Variants in KIAA0586 observed in about 807,000 individuals in gnomAD.
KIAA0586 encodes the protein KIAA0586.
In KIAA0586, 144 loss-of-function variants were observed where a neutral mutation model predicts 169.8. That is an observed-to-expected ratio of 0.85 (90% confidence interval 0.74 to 0.97). The LOEUF is 0.97. Among genes scored for constraint, KIAA0586 ranks in the 50% least tolerant of loss-of-function variants. KIAA0586 has a pLI of 0.00. For synonymous variants in KIAA0586, 625 were observed against 612.4 expected (o/e 1.02, Z -0.30); for missense variants, 1,854 against 1,823.0 (o/e 1.02, Z -0.31).
intron 6 of KIAA0586, among the ~76,000 whole-genome samples, chr14:58,444,927 A>G (rs1314565111): frequency 2.7e-5 from 4 of 150,312 alleles, no homozygotes; most frequent in African/African-American, 7.4e-5. Flanking sequence ...AAAAAAAAAA[A>G]AAAAAAAAAA....
At chr14:58,428,606 G>A in intron 1 of KIAA0586, 143 bp downstream of exon 1, 1 of 612,598 alleles carries the variant, frequency 1.6e-6, no homozygotes, top group Non-Finnish European at 2.8e-6. Flanking sequence ...AAAATGGCCA[G>A]GAAGCCTATA....
chr14:58,461,138 A>G lies in KIAA0586; in HGVS notation c.2037A>G (p.Pro679=), dbSNP rs2040292190. The change falls in exon 14 of 31, where the codon CCA becomes CCG. Residue 679 remains proline, a synonymous_variant. Transcript: ENST00000652326. ...CTCCTAAGTCCAGACCACAGAGACCAAAAGTAATAGAACGAGTTAAAGGTA... is the reference window on the plus strand; with the variant it reads ...CTCCTAAGTCCAGACCACAGAGACCGAAAGTAATAGAACGAGTTAAAGGTA... ...SPSPKSRPQR[P]KVIERVKGTK... 1.3e-6 allele frequency: 2 copies of G among 1,590,854 alleles called. No individual in the cohort carries two copies. Among genetic ancestry groups the G allele is most frequent in the Non-Finnish European group, 1.7e-6 (2 of 1,171,714 alleles).
intron 6 of KIAA0586, among the ~76,000 whole-genome samples, chr14:58,447,701 G>A (rs1743728): frequency 0.6 from 90,765 of 151,744 alleles, 27,511 homozygotes; most frequent in Admixed American, 0.67. Context: ...GACTGGCCTC[G>A]AACTCCTGAC....
At chr14:58,536,061 T>A (rs995459513) in intron 29 of KIAA0586, among the ~76,000 whole-genome samples, 15 of 152,268 alleles carry the variant, frequency 9.9e-5, no homozygotes, top group Admixed American at 2.6e-4. Flanking sequence ...AATTTTTTTT[T>A]AAATATGAGT....
chr14:58,480,529 A>G (rs1566868271), intron 20 of KIAA0586, among the ~76,000 whole-genome samples: 1 of 152,076 alleles, frequency 6.6e-6, no homozygotes, highest in Non-Finnish European at 1.5e-5. Flanking sequence ...TGGGCCGACA[A>G]CTTGCAGTTC....
Position 58,488,784 on chromosome 14 carries a change from A to C in KIAA0586, c.3691A>C (p.Ser1231Arg). ...SDSSTLESTLSVTVTETETLD... is the reference protein window; with the variant it reads ...SDSSTLESTLRVTVTETETLD... ...TTCATCAACACTGGAGAGCACATTG[A>C]GTGTTACTGTCACTGAAACTGAAAC... The change falls in exon 24 of 31, where the codon AGT becomes CGT. Residue 1231 changes from serine (S) to arginine (R), a missense_variant. Physicochemically the swap from Ser to Arg is moderately radical, Grantham distance 110 (BLOSUM62 -1). Coordinates refer to ENST00000652326, the MANE Select transcript of KIAA0586 (RefSeq NM_001329943.3). 6.2e-7 allele frequency: 1 copy of C among 1,613,840 alleles called. No homozygotes were observed. The highest frequency in any genetic ancestry group is 8.5e-7 in the Non-Finnish European group (1 of 1,179,818).
rs561281921 is a variant in KIAA0586 at position 58,469,270 on chromosome 14, A to G, written c.2443-1343A>G. On this transcript the variant is annotated intron_variant, in intron 16 of 30. Coordinates refer to ENST00000652326, the MANE Select transcript of KIAA0586 (RefSeq NM_001329943.3). ...CTGAGGCAGTCAATGGATCTCAGGAATATTCCCGGCCCTGTGCTTGATAGG... is the reference window on the plus strand; with the variant it reads ...CTGAGGCAGTCAATGGATCTCAGGAGTATTCCCGGCCCTGTGCTTGATAGG... Among the ~76,000 whole-genome samples, 3 of 152,338 alleles carry G rather than the reference A, an allele frequency of 2.0e-5. No individual in the cohort carries two copies. In the East Asian group the frequency reaches 5.8e-4, roughly 29 times the overall value.
chr14:58,455,125 A>C (rs893958169), intron 9 of KIAA0586, among the ~76,000 whole-genome samples: 5 of 152,208 alleles, frequency 3.3e-5, no homozygotes, highest in African/African-American at 9.7e-5. Flanking sequence ...GAGCCCCTCT[A>C]GTGAATTATA....
rs1437021057 is a variant in KIAA0586 at position 58,492,233 on chromosome 14, C to T, written c.3948C>T (p.Asn1316=). ...ADAILSFAKQ[N]QESAVSQQAV... ...CAATTCTTTCTTTTGCTAAACAAAACCAGGAGTCAGCAGTTTCCCAGCAAG... is the reference window on the plus strand; with the variant it reads ...CAATTCTTTCTTTTGCTAAACAAAATCAGGAGTCAGCAGTTTCCCAGCAAG... The change falls in exon 26 of 31, where the codon AAC becomes AAT. Residue 1316 remains asparagine (N), a synonymous_variant. Transcript: ENST00000652326. 1.2e-5 allele frequency: 19 copies of T among 1,550,998 alleles called. No individual in the cohort carries two copies. The Admixed American group carries it at 3.7e-4, about 30-fold the overall frequency.
chr14:58,545,171 C>T (rs1421146860), intron 30 of KIAA0586, among the ~76,000 whole-genome samples: 3 of 152,172 alleles, frequency 2.0e-5, no homozygotes, highest in African/African-American at 7.2e-5. Flanking sequence ...CTCTGGGCCT[C>T]AGTTGCCTTG....
intron 19 of KIAA0586, among the ~76,000 whole-genome samples, chr14:58,476,556 AG>A (rs2041639760): frequency 1.3e-5 from 2 of 152,064 alleles, no homozygotes; most frequent in South Asian, 4.1e-4. Flanking sequence ...TTTTGAGTTT[AG>A]GAGTTCTTTT....
At position 58,467,898 on chromosome 14, in the gene KIAA0586, G is replaced by C. The variant is rs922088604; in HGVS notation, c.2418G>C (p.Lys806Asn). 3 of 1,613,260 alleles carry C rather than the reference G, an allele frequency of 1.9e-6. No individual in the cohort carries two copies. In the Admixed American group the frequency reaches 5.0e-5, roughly 27 times the overall value. Residue 806 changes from lysine to asparagine, a missense_variant, in exon 16 of 31, where the codon AAG (lysine) becomes AAC (asparagine). Coordinates refer to ENST00000652326, the MANE Select transcript of KIAA0586 (RefSeq NM_001329943.3). ...IAIVEMKSEK[K>N]DPPQLTVQVL... ...TTGTAGAAATGAAGTCAGAAAAAAAGGATCCTCCTCAGCTTACTGTGCAGG... is the reference window on the plus strand; with the variant it reads ...TTGTAGAAATGAAGTCAGAAAAAAACGATCCTCCTCAGCTTACTGTGCAGG...
rs766193110 is a variant in KIAA0586, at chr14:58,453,486, G to T, written c.1253+13G>T. The T allele has an allele frequency of 6.8e-7, 1 of 1,476,158 alleles. No individual in the cohort carries two copies. The highest frequency in any genetic ancestry group is 1.5e-5 in the South Asian group (1 of 68,700). The allele number at this position is 1,476,158 out of a possible 1,614,324, so 91.4% of individuals were successfully genotyped here. Reference sequence around the variant, plus strand: ...AGAAAACAAACAGGTAAAAACAAGAGATTGGAATGAAAACTAGATTGAAAA... The same window carrying T: ...AGAAAACAAACAGGTAAAAACAAGATATTGGAATGAAAACTAGATTGAAAA... On this transcript the variant is annotated intron_variant, in intron 9 of 30. Transcript: ENST00000652326.
intron 1 of KIAA0586, 136 bp downstream of exon 1, chr14:58,428,599 A>G (rs557862111): frequency 3.2e-5 from 20 of 631,890 alleles, no homozygotes; most frequent in Non-Finnish European, 5.1e-5. Flanking sequence ...TCCCGGGAAA[A>G]TGGCCAGGAA....
chr14:58,549,062 C>T lies in KIAA0586; in HGVS notation c.*1130C>T, dbSNP rs1036445635. On this transcript the variant is annotated 3_prime_UTR_variant, in exon 31 of 31. Transcript: ENST00000652326. ...CTTATTATCTTGAGGGATTTCAGTA[C>T]TGTATAGTAGAGGGCATAAGCACAT... 1 of 152,010 alleles carries T rather than the reference C, an allele frequency of 6.6e-6. No homozygotes were observed. Among genetic ancestry groups the T allele is most frequent in the Admixed American group, 6.6e-5 (1 of 15,258 alleles). 9.4% of individuals were successfully genotyped at this position (152,010 alleles called of 1,614,324 possible).
chr14:58,543,559 G>A (rs1460313395), intron 30 of KIAA0586, among the ~76,000 whole-genome samples: 1 of 152,178 alleles, frequency 6.6e-6, no homozygotes, highest in Non-Finnish European at 1.5e-5. Context: ...AGCAGTCTGG[G>A]TGGGGCCATT....
At position 58,537,303 on chromosome 14, in the gene KIAA0586, T is replaced by G. The variant is rs985488278; in HGVS notation, c.4430-2768T>G. 5 of 406,356 alleles carry G rather than the reference T, an allele frequency of 1.2e-5. No homozygotes were observed. In the South Asian group the frequency reaches 4.6e-4, roughly 37 times the overall value. 25.2% of individuals were successfully genotyped at this position (406,356 alleles called of 1,614,324 possible). A position where few individuals can be genotyped will look rare whatever the true frequency, so the allele number is the denominator to read the frequency against. On this transcript the variant is annotated intron_variant, in intron 29 of 30. Transcript: ENST00000652326. ...CCCCAGTTTTGACTGAGGAGAGTTT[T>G]ATGTTTACAATAACAGCAACAACCA...
chr14:58,553,964 A>G (rs1566974169), downstream of KIAA0586, among the ~76,000 whole-genome samples: 1 of 152,144 alleles, frequency 6.6e-6, no homozygotes, highest in South Asian at 2.1e-4. Flanking sequence ...TCTGACCCTC[A>G]CACATGAATT....
the KIAA0586 span, among the ~76,000 whole-genome samples, chr14:58,561,950 C>G: frequency 6.6e-6 from 1 of 152,166 alleles, no homozygotes; most frequent in Non-Finnish European, 1.5e-5. Flanking sequence ...AAATGAAAGG[C>G]AACCCTTTTC....
Sources: gnomAD v4.1 joint callset for allele counts (sites outside exome capture counted in the v4.1 genomes callset) on GRCh38, gnomAD v4.1.1 for gene constraint, MANE v1.5 for transcripts, NCBI Gene and HGNC (gene_info 2026-07-23, HGNC 2026-07-21) for gene names.